Variants in NOD2 observed in about 807,000 individuals in gnomAD.
NOD2 encodes nucleotide binding oligomerization domain containing 2, also known as nucleotide-binding oligomerization domain-containing protein 2.
In NOD2, 86 loss-of-function variants were observed where a neutral mutation model predicts 90.9. The ratio of observed to expected loss-of-function variants is 0.95; its 90% confidence interval spans 0.79 to 1.13. NOD2 has a LOEUF of 1.13. NOD2 is among the 50% of genes most tolerant of loss of function. The pLI is 0.00. For missense variants in NOD2, 1,238 were observed against 1,283.8 expected (o/e 0.96, Z 0.55); for synonymous variants, 581 against 554.6 (o/e 1.05, Z -0.67).
At chr16:50,698,470 C>T (rs567605814) in intron 1 of NOD2, among the ~76,000 whole-genome samples, 1 of 152,218 alleles carries the variant, frequency 6.6e-6, no homozygotes, top group African/African-American at 2.4e-5. Context: ...TTTTTCACTT[C>T]GCCTAGGACA....
chr16:50,716,622 G>T lies in NOD2; in HGVS notation c.2417G>T (p.Cys806Phe). 6.2e-7 allele frequency: 1 copy of T among 1,614,196 alleles called. No individual in the cohort carries two copies. The highest frequency in any genetic ancestry group is 1.1e-5 in the South Asian group (1 of 91,078). The change falls in exon 5 of 12, where the codon TGC (cysteine) becomes TTC (phenylalanine). Residue 806 changes from cysteine (C) to phenylalanine (F), a missense_variant. Transcript: ENST00000647318. ...AACAATATCTCAGACCGAGGCATCT[G>T]CAAGCTCATTGAATGTGCTCTTCAC... The part of the protein sequence containing the change: ...RDNNISDRGI[C>F]KLIECALHCE...
intron 2 of NOD2, among the ~76,000 whole-genome samples, chr16:50,700,625 G>A (rs1270029183): frequency 6.6e-6 from 1 of 152,196 alleles, no homozygotes. Flanking sequence ...TAAGGCTCTT[G>A]GGAGGATTCA....
intron 11 of NOD2, among the ~76,000 whole-genome samples, chr16:50,730,458 G>C (rs1364128800): frequency 6.6e-6 from 1 of 152,214 alleles, no homozygotes; most frequent in Non-Finnish European, 1.5e-5. Context: ...CTTTCTCTCT[G>C]CTGAGCCACA....
At chr16:50,731,222 TC>T (rs1567408439) in intron 11 of NOD2, among the ~76,000 whole-genome samples, 1 of 152,310 alleles carries the variant, frequency 6.6e-6, no homozygotes, top group East Asian at 1.9e-4. Context: ...GAGAGATTTT[TC>T]CTTCTGTATG....
At chr16:50,709,019 A>G (rs1049079955) in intron 3 of NOD2, among the ~76,000 whole-genome samples, 2 of 152,308 alleles carry the variant, frequency 1.3e-5, no homozygotes, top group African/African-American at 4.8e-5. Context: ...AAAGGTGACA[A>G]TTGGTGTGTT....
intron 1 of NOD2, chr16:50,698,118 C>G (rs1010534955): frequency 6.6e-6 from 1 of 152,632 alleles, no homozygotes; most frequent in African/African-American, 2.4e-5. Flanking sequence ...AAGCTGACGG[C>G]CCTCTTTGTT....
intron 3 of NOD2, among the ~76,000 whole-genome samples, chr16:50,709,458 A>G (rs1812461724): frequency 6.6e-6 from 1 of 152,204 alleles, no homozygotes. Flanking sequence ...AAGGGGAACT[A>G]AACTCTGACA....
At chr16:50,710,427 G>T (rs563125938) in intron 3 of NOD2, 131 bp from the exon 4 acceptor site, 437 of 1,225,614 alleles carry the variant, frequency 3.6e-4, no homozygotes, top group Non-Finnish European at 4.9e-4. Context: ...GAATGGAGGA[G>T]CCAGGATGGG....
chr16:50,710,752 C>T lies in NOD2; in HGVS notation c.760C>T (p.Leu254Phe), dbSNP rs756943416. The change falls in exon 4 of 12, where the codon CTC (leucine) becomes TTC (phenylalanine). Residue 254 changes from leucine (L) to phenylalanine (F), a missense_variant. By Grantham distance (22) the Leu-to-Phe change is conservative. Coordinates refer to ENST00000647318, the MANE Select transcript of NOD2 (RefSeq NM_001370466.1). Reference sequence around the variant, plus strand: ...CCCAGCCACCCTGGGCCTGGAGGAGCTCTTCAGCACCCCTGGCCACCTCAA... The same window carrying T: ...CCCAGCCACCCTGGGCCTGGAGGAGTTCTTCAGCACCCCTGGCCACCTCAA... ...KSPATLGLEE[L>F]FSTPGHLNDD... The T allele has an allele frequency of 5.9e-5, 95 of 1,613,924 alleles. 1 individual carries two copies. The Admixed American group carries it at 1.5e-3, about 26-fold the overall frequency.
At chr16:50,701,531 A>G (rs1455537020) in intron 2 of NOD2, among the ~76,000 whole-genome samples, 1 of 152,264 alleles carries the variant, frequency 6.6e-6, no homozygotes, top group Non-Finnish European at 1.5e-5. Context: ...TTGCACGTAC[A>G]GAAGACATAT....
intron 2 of NOD2, among the ~76,000 whole-genome samples, chr16:50,703,805 A>G (rs1445489710): frequency 1.3e-5 from 2 of 152,028 alleles, no homozygotes; most frequent in Non-Finnish European, 2.9e-5. Flanking sequence ...CTGGGAATTT[A>G]TAAGGACCTC....
rs376056823 is a variant in NOD2 at position 50,709,049 on chromosome 16, A to AT, written c.565+1099dup. On this transcript the variant is annotated intron_variant, in intron 3 of 11. Transcript: ENST00000647318. ...TGTGTTTATTTCTCTATAAAATGAC[A>AT]TTTTTTTTTTCTGGAGAATTTTAGT... Among the ~76,000 whole-genome samples, 926 of 150,176 alleles carry AT rather than the reference A, an allele frequency of 6.2e-3. 8 individuals are homozygous for AT. The highest frequency in any genetic ancestry group is 0.021 in the Middle Eastern group (6 of 280).
intron 2 of NOD2, among the ~76,000 whole-genome samples, chr16:50,701,948 A>G (rs1161831208): frequency 6.6e-6 from 1 of 152,140 alleles, no homozygotes; most frequent in Non-Finnish European, 1.5e-5. Flanking sequence ...TTATTTGTTT[A>G]TTTATTTATT....
chr16:50,731,313 A>G (rs948801396), intron 11 of NOD2, among the ~76,000 whole-genome samples: 4 of 152,186 alleles, frequency 2.6e-5, no homozygotes, highest in African/African-American at 9.7e-5. Context: ...TTTTGAAACC[A>G]TTGCACAGTC....
intron 2 of NOD2, among the ~76,000 whole-genome samples, chr16:50,700,178 G>A (rs1963875945): frequency 6.6e-6 from 1 of 152,192 alleles, no homozygotes; most frequent in African/African-American, 2.4e-5. Context: ...ACCCTGGCTA[G>A]AATGCAGTGG....
intron 7 of NOD2, among the ~76,000 whole-genome samples, chr16:50,721,753 A>G (rs1965071074): frequency 6.6e-6 from 1 of 152,166 alleles, no homozygotes; most frequent in Non-Finnish European, 1.5e-5. Context: ...TTTGCCTCCC[A>G]AAGTATTGGG....
At chr16:50,713,894 C>T (rs1351213757) in intron 4 of NOD2, among the ~76,000 whole-genome samples, 2 of 152,138 alleles carry the variant, frequency 1.3e-5, no homozygotes, top group African/African-American at 4.8e-5. Flanking sequence ...TGGAGTAGTC[C>T]CCAGGCATCA....
chr16:50,713,916 G>T (rs1186865492), intron 4 of NOD2, among the ~76,000 whole-genome samples: 1 of 152,220 alleles, frequency 6.6e-6, no homozygotes, highest in Non-Finnish European at 1.5e-5. Context: ...CCTCCCAGGA[G>T]CCAGGGACGG....
Position 50,729,801 on chromosome 16 carries a change from T to A in NOD2, c.2886-17T>A, listed in dbSNP as rs757094587. On this transcript the variant is annotated splice_polypyrimidine_tract_variant and intron_variant, in intron 10 of 11. Coordinates refer to ENST00000647318, the MANE Select transcript of NOD2 (RefSeq NM_001370466.1). Reference sequence around the variant, plus strand: ...ACCAAGAATCCTTGAAGCTCACCATTGTATCTTCTTTTCCAGGTTGTCCAA... The same window carrying A: ...ACCAAGAATCCTTGAAGCTCACCATAGTATCTTCTTTTCCAGGTTGTCCAA... 1 of 1,604,048 alleles carries A rather than the reference T, an allele frequency of 6.2e-7. No homozygotes were observed. The highest frequency in any genetic ancestry group is 8.5e-7 in the Non-Finnish European group (1 of 1,171,598).
Sources: gnomAD v4.1 joint callset for allele counts (sites outside exome capture counted in the v4.1 genomes callset) on GRCh38, gnomAD v4.1.1 for gene constraint, MANE v1.5 for transcripts, NCBI Gene and HGNC (gene_info 2026-07-23, HGNC 2026-07-21) for gene names.